Variants in CNTN5 observed in about 807,000 individuals in gnomAD.
CNTN5 encodes the protein contactin-5.
Under a neutral mutation model 129.1 loss-of-function variants are expected in CNTN5, and 77 were observed. The observed-to-expected ratio is 0.60, with a 90% CI of 0.50 to 0.72. The LOEUF is 0.72. Among genes scored for constraint, CNTN5 ranks in the 30% least tolerant of loss-of-function variants. CNTN5 has a pLI of 0.00. For missense variants in CNTN5, 1,478 were observed against 1,328.8 expected, an observed-to-expected ratio of 1.11 and a Z score of -1.75; for synonymous variants, 509 against 465.6, an observed-to-expected ratio of 1.09 and a Z score of -1.20.
chr11:99,480,977 C>T (rs1398143751), intron 2 of CNTN5, among the ~76,000 whole-genome samples: 1 of 152,076 alleles, frequency 6.6e-6, no homozygotes, highest in African/African-American at 2.4e-5. Context: ...TGCATATGTC[C>T]TTGAAACTTT....
At chr11:100,083,169 T>G (rs1437465204) in intron 13 of CNTN5, among the ~76,000 whole-genome samples, 1 of 151,760 alleles carries the variant, frequency 6.6e-6, no homozygotes, top group Non-Finnish European at 1.5e-5. Flanking sequence ...TACAAAAAAT[T>G]AGCTGGGCGT....
chr11:99,898,258 G>C (rs1443202679), intron 6 of CNTN5, among the ~76,000 whole-genome samples: 1 of 151,720 alleles, frequency 6.6e-6, no homozygotes, highest in Admixed American at 6.6e-5. Context: ...TGATACAAAG[G>C]ATCAATGAAA....
chr11:99,582,580 C>T (rs917647546), intron 3 of CNTN5, among the ~76,000 whole-genome samples: 2 of 152,202 alleles, frequency 1.3e-5, no homozygotes, highest in Non-Finnish European at 1.5e-5. Flanking sequence ...TTCATTTCGT[C>T]TTCCATCGCT....
At chr11:100,129,377 T>G (rs1159220830) in intron 13 of CNTN5, among the ~76,000 whole-genome samples, 1 of 152,132 alleles carries the variant, frequency 6.6e-6, no homozygotes, top group Non-Finnish European at 1.5e-5. Context: ...AACGCCCCAG[T>G]CCATAAGAGT....
chr11:99,850,679 T>C (rs1947845502), intron 6 of CNTN5, among the ~76,000 whole-genome samples: 1 of 151,984 alleles, frequency 6.6e-6, no homozygotes, highest in Non-Finnish European at 1.5e-5. Context: ...GTAAATATAG[T>C]CCTAGGAAAA....
At chr11:99,071,574 G>A (rs1865342878) in intron 1 of CNTN5, among the ~76,000 whole-genome samples, 1 of 151,990 alleles carries the variant, frequency 6.6e-6, no homozygotes, top group African/African-American at 2.4e-5. Flanking sequence ...AGTAAAAGCT[G>A]GAATATATCT....
At chr11:100,316,751 C>T (rs755456604) in intron 21 of CNTN5, among the ~76,000 whole-genome samples, 1 of 152,164 alleles carries the variant, frequency 6.6e-6, no homozygotes, top group Non-Finnish European at 1.5e-5. Context: ...TGCTTGTATT[C>T]ATTCATCCCT....
intron 1 of CNTN5, among the ~76,000 whole-genome samples, chr11:99,042,437 G>A (rs1046542218): frequency 3.6e-5 from 5 of 137,432 alleles, no homozygotes; most frequent in Non-Finnish European, 6.1e-5. Flanking sequence ...GTGCAGTGGC[G>A]CAATCTCGGC....
At chr11:100,237,188 C>CAAAAAAAAAAAA (rs397977189) in intron 16 of CNTN5, among the ~76,000 whole-genome samples, 1 of 71,108 alleles carries the variant, frequency 1.4e-5, no homozygotes, top group Non-Finnish European at 2.9e-5. Context: ...GACTCCGTCT[C>CAAAAAAAAAAAA]AAAAAAAAAA....
At chr11:99,765,279 T>G (rs947909596) in intron 3 of CNTN5, among the ~76,000 whole-genome samples, 6 of 152,018 alleles carry the variant, frequency 3.9e-5, no homozygotes, top group African/African-American at 1.4e-4. Flanking sequence ...TATCACTATG[T>G]TACTTACTCT....
At chr11:99,876,965 A>G (rs1948648115) in intron 6 of CNTN5, among the ~76,000 whole-genome samples, 1 of 152,144 alleles carries the variant, frequency 6.6e-6, no homozygotes, top group Admixed American at 6.6e-5. Flanking sequence ...ATTCTTTTAA[A>G]TGATTTTCTC....
At chr11:100,058,463 A>G (rs1943329263) in intron 9 of CNTN5, among the ~76,000 whole-genome samples, 1 of 152,126 alleles carries the variant, frequency 6.6e-6, no homozygotes, top group Non-Finnish European at 1.5e-5. Context: ...AACAACCTTA[A>G]TAAGCTACAG....
In CNTN5 at chr11:99,934,898, GTATATA is replaced by G. The variant is rs200635742; in HGVS notation, c.673+18794_673+18799del. On this transcript the variant is annotated intron_variant, in intron 7 of 24. Coordinates refer to ENST00000524871, the MANE Select transcript of CNTN5 (RefSeq NM_014361.4). ...TGTGTGTGTGTGTGTGTGTGTGTGTGTATATATATATATATATATATATATATATAT... is the reference window on the plus strand; with the variant it reads ...TGTGTGTGTGTGTGTGTGTGTGTGTGTATATATATATATATATATATATAT... Among the ~76,000 whole-genome samples, 89 of 67,904 alleles carry G rather than the reference GTATATA, an allele frequency of 1.3e-3. 1 individual carries two copies. Among genetic ancestry groups the G allele is most frequent in the African/African-American group, 4.1e-3 (41 of 9,940 alleles). 44.5% of individuals were successfully genotyped at this position (67,904 alleles called of 152,430 possible). A position where few individuals can be genotyped will look rare whatever the true frequency, so the allele number is the denominator to read the frequency against.
chr11:99,272,447 C>T (rs192538561), intron 1 of CNTN5, among the ~76,000 whole-genome samples: 1 of 151,838 alleles, frequency 6.6e-6, no homozygotes, highest in East Asian at 1.9e-4. Flanking sequence ...CAGGGTCTTG[C>T]TGTGTTACTC....
At chr11:99,872,565 G>A (rs1000472497) in intron 6 of CNTN5, among the ~76,000 whole-genome samples, 3 of 152,072 alleles carry the variant, frequency 2.0e-5, no homozygotes, top group African/African-American at 7.2e-5. Flanking sequence ...GAAAAGTCCT[G>A]CCACCCGGTA....
chr11:99,311,448 C>G (rs1418301135), intron 1 of CNTN5, among the ~76,000 whole-genome samples: 1 of 152,016 alleles, frequency 6.6e-6, no homozygotes, highest in Non-Finnish European at 1.5e-5. Context: ...TGAGGAGTGA[C>G]AATTTAGGAC....
chr11:100,297,603 C>A, intron 18 of CNTN5, 22 bp from the exon 19 acceptor site: 1 of 1,590,950 alleles, frequency 6.3e-7, no homozygotes, highest in Non-Finnish European at 8.6e-7. Context: ...TCTCCTCACT[C>A]TCCACCCATT....
At chr11:99,419,707 G>A (rs1942805154) in intron 2 of CNTN5, among the ~76,000 whole-genome samples, 1 of 152,106 alleles carries the variant, frequency 6.6e-6, no homozygotes, top group African/African-American at 2.4e-5. Context: ...GGGGGGAGGG[G>A]TGTGGCTGGA....
chr11:99,625,784 T>C (rs1401761530), intron 3 of CNTN5, among the ~76,000 whole-genome samples: 2 of 151,714 alleles, frequency 1.3e-5, no homozygotes, highest in Non-Finnish European at 2.9e-5. Context: ...AAGATATTGA[T>C]TGAGAGAGTT....
Sources: allele counts gnomAD v4.1 joint callset (sites outside exome capture counted in the v4.1 genomes callset), GRCh38; gene constraint gnomAD v4.1.1; transcripts MANE v1.5; gene names NCBI Gene and HGNC (gene_info 2026-07-23, HGNC 2026-07-21).